The following SH3GL3 variants were observed in gnomAD, a reference collection of about 807,000 sequenced individuals.
SH3GL3 encodes SH3 domain containing GRB2 like 3, endophilin A3.
Under a neutral mutation model 47.7 loss-of-function variants are expected in SH3GL3, and 33 were observed. The ratio of observed to expected loss-of-function variants is 0.69; its 90% CI spans 0.52 to 0.92. The LOEUF is 0.92. Ranked by LOEUF, SH3GL3 falls within the 40% of genes least tolerant of loss-of-function variation. SH3GL3 has a pLI of 0.00. For synonymous variants in SH3GL3, 155 were observed against 148.8 expected (o/e 1.04, Z -0.30); for missense variants, 363 against 417.8 (o/e 0.87, Z 1.14).
chr15:83,617,993 G>A, intron 8 of SH3GL3, 89 bp from the exon 9 acceptor site: 1 of 873,098 alleles, frequency 1.1e-6, no homozygotes, highest in South Asian at 1.5e-5. Context: ...TGCTGTTAAG[G>A]GTCTCTCTGA....
chr15:83,521,773 A>G (rs957608067), intron 1 of SH3GL3, among the ~76,000 whole-genome samples: 3 of 152,174 alleles, frequency 2.0e-5, no homozygotes, highest in South Asian at 2.1e-4. Context: ...TTTTGTTGCT[A>G]CTTCTAGGAA....
intron 8 of SH3GL3, among the ~76,000 whole-genome samples, chr15:83,591,316 T>C (rs1157475647): frequency 6.6e-6 from 1 of 152,124 alleles, no homozygotes; most frequent in African/African-American, 2.4e-5. Context: ...GCCTCTCCTA[T>C]GTTTTTTCTT....
downstream of SH3GL3, among the ~76,000 whole-genome samples, chr15:83,619,710 A>G (rs940208206): frequency 6.6e-6 from 1 of 152,322 alleles, no homozygotes; most frequent in African/African-American, 2.4e-5. Flanking sequence ...GCAAGGGGTA[A>G]TATTTTTGCT....
At chr15:83,599,832 T>G (rs2060333336) in intron 8 of SH3GL3, among the ~76,000 whole-genome samples, 1 of 152,198 alleles carries the variant, frequency 6.6e-6, no homozygotes. Flanking sequence ...TGTTCCCTTT[T>G]CACCCATCCA....
At chr15:83,583,224 A>C (rs1251982030) in intron 6 of SH3GL3, among the ~76,000 whole-genome samples, 1 of 152,122 alleles carries the variant, frequency 6.6e-6, no homozygotes, top group Non-Finnish European at 1.5e-5. Context: ...TCAGCTACTC[A>C]CATCACAGTT....
chr15:83,517,205 CTTTTTTT>C (rs36096315), intron 1 of SH3GL3, among the ~76,000 whole-genome samples: 4 of 109,690 alleles, frequency 3.6e-5, no homozygotes, highest in African/African-American at 1.0e-4. Context: ...CTTTTCTTTT[CTTTTTTT>C]TTTTTTTTTT....
chr15:83,494,698 G>A (rs898217522), intron 1 of SH3GL3, among the ~76,000 whole-genome samples: 6 of 151,788 alleles, frequency 4.0e-5, no homozygotes, highest in Non-Finnish European at 5.9e-5. Flanking sequence ...GTGTGCCACC[G>A]TGTCCAGCTA....
chr15:83,576,839 G>C, intron 6 of SH3GL3, 98 bp downstream of exon 6: 1 of 800,970 alleles, frequency 1.2e-6, no homozygotes, highest in East Asian at 2.7e-5. Flanking sequence ...AAGCAGGAGT[G>C]TCCAATCTTT....
intron 1 of SH3GL3, among the ~76,000 whole-genome samples, chr15:83,557,826 A>C (rs1459518772): frequency 6.6e-6 from 1 of 152,222 alleles, no homozygotes; most frequent in Non-Finnish European, 1.5e-5. Flanking sequence ...CAGATTCACT[A>C]GGTGGGAAGA....
chr15:83,592,577 G>A (rs1249219312), intron 8 of SH3GL3, among the ~76,000 whole-genome samples: 86 of 152,196 alleles, frequency 5.7e-4, no homozygotes, highest in South Asian at 2.1e-4. Context: ...GCCTGTTGCC[G>A]TGGGAACATT....
At chr15:83,520,323 T>C (rs1267014256) in intron 1 of SH3GL3, among the ~76,000 whole-genome samples, 1 of 152,196 alleles carries the variant, frequency 6.6e-6, no homozygotes, top group Admixed American at 6.5e-5. Context: ...TTTGAAGAGA[T>C]AGCAAAGAAC....
intron 8 of SH3GL3, among the ~76,000 whole-genome samples, chr15:83,600,129 C>T (rs978153825): frequency 2.0e-5 from 3 of 152,056 alleles, no homozygotes; most frequent in African/African-American, 4.8e-5. Context: ...AGATTTTCTC[C>T]CACTCTGTGG....
intron 1 of SH3GL3, among the ~76,000 whole-genome samples, chr15:83,509,899 C>T (rs999687956): frequency 7.9e-5 from 12 of 152,120 alleles, no homozygotes; most frequent in African/African-American, 1.7e-4. Flanking sequence ...CAAAACACTG[C>T]GCAAATATGT....
At chr15:83,550,140 C>G (rs1212678739) in intron 1 of SH3GL3, among the ~76,000 whole-genome samples, 2 of 152,198 alleles carry the variant, frequency 1.3e-5, no homozygotes, top group Non-Finnish European at 2.9e-5. Context: ...ACTATTGATA[C>G]TTAAAATTGT....
chr15:83,534,806 A>T (rs1165784299), intron 1 of SH3GL3, among the ~76,000 whole-genome samples: 11 of 152,298 alleles, frequency 7.2e-5, no homozygotes, highest in Admixed American at 5.9e-4. Context: ...TGATGCATAG[A>T]AGGCACTAAT....
chr15:83,544,290 G>T (rs958797522), intron 1 of SH3GL3, among the ~76,000 whole-genome samples: 1 of 152,028 alleles, frequency 6.6e-6, no homozygotes, highest in Admixed American at 6.5e-5. Flanking sequence ...GTAGCATACT[G>T]TTTAATTTTC....
intron 1 of SH3GL3, among the ~76,000 whole-genome samples, chr15:83,530,196 G>T (rs1449666836): frequency 6.6e-6 from 1 of 152,186 alleles, no homozygotes; most frequent in Non-Finnish European, 1.5e-5. Context: ...TTAGGTATCA[G>T]GGGAGTGTGT....
intron 8 of SH3GL3, among the ~76,000 whole-genome samples, chr15:83,605,518 C>A (rs2060491875): frequency 6.6e-6 from 1 of 151,952 alleles, no homozygotes; most frequent in African/African-American, 2.4e-5. Flanking sequence ...GAAATGAATT[C>A]CAAGAACATT....
At chr15:83,547,078 G>T (rs1027607483) in intron 1 of SH3GL3, among the ~76,000 whole-genome samples, 10 of 152,188 alleles carry the variant, frequency 6.6e-5, no homozygotes, top group Non-Finnish European at 2.9e-5. Context: ...TGGGTTGCAT[G>T]CACCCCAGTT....
Sources: gnomAD v4.1 joint callset for allele counts (sites outside exome capture counted in the v4.1 genomes callset) on GRCh38, gnomAD v4.1.1 for gene constraint, MANE v1.5 for transcripts, NCBI Gene and HGNC (gene_info 2026-07-23, HGNC 2026-07-21) for gene names.